Variants in LUZP2 observed in about 807,000 individuals in gnomAD.
LUZP2 encodes leucine zipper protein 2.
Under a neutral mutation model 51.6 loss-of-function variants are expected in LUZP2, and 52 were observed. That is an observed-to-expected ratio of 1.01 (90% CI 0.81 to 1.27). LUZP2 has a LOEUF of 1.27. LUZP2 is among the 50% of genes most tolerant of loss of function. The probability of loss-of-function intolerance (pLI) is 0.00; values close to 1 mark genes in which losing one functional copy is unlikely to be tolerated. For synonymous variants in LUZP2, 154 were observed against 137.3 expected (o/e 1.12, Z -0.85); for missense variants, 436 against 395.4 (o/e 1.10, Z -0.87).
intron 4 of LUZP2, among the ~76,000 whole-genome samples, chr11:24,757,521 T>C (rs1248828782): frequency 6.6e-6 from 1 of 151,936 alleles, no homozygotes; most frequent in Non-Finnish European, 1.5e-5. Context: ...TTCAGTTAAA[T>C]GAAAGATAGA....
intron 7 of LUZP2, among the ~76,000 whole-genome samples, chr11:24,966,030 A>G (rs1470390390): frequency 6.6e-6 from 1 of 151,796 alleles, no homozygotes; most frequent in Admixed American, 6.6e-5. Context: ...AAGATAAGAT[A>G]GTACACTTAA....
chr11:24,762,819 T>A (rs1396268044), intron 4 of LUZP2: 1 of 164,882 alleles, frequency 6.1e-6, no homozygotes, highest in African/African-American at 2.4e-5. Context: ...AGTTTTGAGG[T>A]AAGGGATATT....
intron 1 of LUZP2, among the ~76,000 whole-genome samples, chr11:24,515,217 T>A (rs1274103028): frequency 6.6e-6 from 1 of 152,164 alleles, no homozygotes; most frequent in African/African-American, 2.4e-5. Context: ...TATAAAACCG[T>A]ATACTGTGCC....
At chr11:25,017,550 C>T (rs556382363) in intron 9 of LUZP2, among the ~76,000 whole-genome samples, 12 of 151,984 alleles carry the variant, frequency 7.9e-5, no homozygotes, top group Non-Finnish European at 1.6e-4. Context: ...TATGCTTTGT[C>T]GAAGATTAGT....
In LUZP2 at chr11:24,926,797, T is replaced by A. The variant is rs963230536; in HGVS notation, c.522+12259T>A. Among the ~76,000 whole-genome samples the A allele has an allele frequency of 6.6e-5, 10 of 151,576 alleles. No individual in the cohort carries two copies. In the Admixed American group the frequency reaches 6.6e-4, roughly 10 times the overall value. On this transcript the variant is annotated intron_variant, in intron 7 of 11. Transcript: ENST00000336930. ...ATCAAATGGTAGATCTACATTTAGT[T>A]CCTTTAAGGAATCCCCACACTGTTT... is the stretch of plus-strand genomic sequence containing the variant.
intron 1 of LUZP2, among the ~76,000 whole-genome samples, chr11:24,707,880 G>T (rs1172293180): frequency 6.6e-6 from 1 of 152,150 alleles, no homozygotes; most frequent in African/African-American, 2.4e-5. Context: ...ATAATGATGA[G>T]TACAAACTTG....
At chr11:25,021,097 G>T (rs192536883) in intron 9 of LUZP2, among the ~76,000 whole-genome samples, 1 of 152,064 alleles carries the variant, frequency 6.6e-6, no homozygotes, top group East Asian at 1.9e-4. Context: ...TATATAACTT[G>T]CAGCTAAATA....
intron 1 of LUZP2, chr11:24,646,595 G>A (rs887452194): frequency 1.7e-5 from 17 of 984,988 alleles, no homozygotes; most frequent in Non-Finnish European, 2.4e-6. Flanking sequence ...AAGGAAGAAA[G>A]ACTGGTTGAG....
chr11:24,819,741 C>T (rs1316488102), intron 5 of LUZP2, among the ~76,000 whole-genome samples: 1 of 150,254 alleles, frequency 6.7e-6, no homozygotes, highest in Non-Finnish European at 1.5e-5. Context: ...TAATTTTTTT[C>T]TCACAATAAC....
At chr11:24,694,494 T>A (rs1857180431) in intron 1 of LUZP2, among the ~76,000 whole-genome samples, 1 of 152,034 alleles carries the variant, frequency 6.6e-6, no homozygotes, top group Non-Finnish European at 1.5e-5. Context: ...TTAATAGAAG[T>A]ACTTGGAAGA....
intron 1 of LUZP2, among the ~76,000 whole-genome samples, chr11:24,709,733 T>A (rs1243815021): frequency 1.3e-5 from 2 of 152,160 alleles, no homozygotes; most frequent in African/African-American, 2.4e-5. Context: ...CAGCCTTCCA[T>A]TGCACCTTTA....
At chr11:24,588,853 T>C (rs1853163571) in intron 1 of LUZP2, among the ~76,000 whole-genome samples, 1 of 152,076 alleles carries the variant, frequency 6.6e-6, no homozygotes, top group South Asian at 2.1e-4. Context: ...AATAATTTTT[T>C]TTTAAAAAAA....
intron 5 of LUZP2, chr11:24,891,415 G>T (rs1852850225): frequency 1.5e-5 from 14 of 959,436 alleles, no homozygotes; most frequent in Non-Finnish European, 1.7e-5. Context: ...ATATCATTAT[G>T]AAATTAAAGA....
intron 5 of LUZP2, among the ~76,000 whole-genome samples, chr11:24,827,933 A>G (rs1850590166): frequency 6.6e-6 from 1 of 152,048 alleles, no homozygotes; most frequent in Non-Finnish European, 1.5e-5. Flanking sequence ...TTCCACAGAG[A>G]TACATGCATT....
At chr11:25,054,390 C>T (rs11028390) in intron 10 of LUZP2, among the ~76,000 whole-genome samples, 55,679 of 151,902 alleles carry the variant, frequency 0.37, 12,495 homozygotes, top group East Asian at 0.78. Context: ...AAGAATTATT[C>T]ACCTGTTTAA....
At chr11:25,065,747 G>A (rs1377146885) in intron 10 of LUZP2, among the ~76,000 whole-genome samples, 3 of 151,926 alleles carry the variant, frequency 2.0e-5, no homozygotes, top group Admixed American at 2.0e-4. Context: ...ATATATCAGT[G>A]TGACAAAACT....
At position 24,912,095 on chromosome 11, in the gene LUZP2, G is replaced by A. The variant is rs570946235; in HGVS notation, c.460-2381G>A. ...TCACTCTTAACTTACCCTTCCTTTC[G>A]TTTCCTTTCTTTTCCTTTCGTTTCC... On this transcript the variant is annotated intron_variant, in intron 6 of 11. Coordinates refer to ENST00000336930, the MANE Select transcript of LUZP2 (RefSeq NM_001009909.4). 2.0e-4 allele frequency among the ~76,000 whole-genome samples: 31 copies of A among 151,794 alleles called. No homozygotes were observed. In the East Asian group the frequency reaches 3.5e-3, roughly 17 times the overall value.
At chr11:24,871,986 CT>C (rs1021007446) in intron 5 of LUZP2, among the ~76,000 whole-genome samples, 1 of 151,976 alleles carries the variant, frequency 6.6e-6, no homozygotes, top group African/African-American at 2.4e-5. Context: ...CCATTTGACT[CT>C]GGTTGTATGT....
intron 1 of LUZP2, among the ~76,000 whole-genome samples, chr11:24,728,707 C>A (rs953492188): frequency 2.0e-5 from 3 of 152,006 alleles, no homozygotes; most frequent in African/African-American, 7.2e-5. Flanking sequence ...CCAGTTAGAA[C>A]TCCAAACCTT....
Sources: allele counts gnomAD v4.1 joint callset (sites outside exome capture counted in the v4.1 genomes callset), GRCh38; gene constraint gnomAD v4.1.1; transcripts MANE v1.5; gene names NCBI Gene and HGNC (gene_info 2026-07-23, HGNC 2026-07-21).